Variants in MSH3 observed in about 807,000 individuals in gnomAD.
MSH3 encodes mutS homolog 3.
MSH3 carries 106 observed loss-of-function variants against 123.3 expected under a neutral mutation model. That is an observed-to-expected ratio of 0.86 (90% CI 0.73 to 1.01). The LOEUF (loss-of-function observed/expected upper bound fraction) is 1.01, where lower values mean the gene tolerates loss of function less well. Ranked by LOEUF, MSH3 falls within the 50% of genes least tolerant of loss-of-function variation. The probability of loss-of-function intolerance (pLI) is 0.00; values close to 1 mark genes in which losing one functional copy is unlikely to be tolerated. For synonymous variants in MSH3, 515 were observed against 481.4 expected (o/e 1.07, Z -0.91); for missense variants, 1,459 against 1,347.6 (o/e 1.08, Z -1.29).
intron 20 of MSH3, among the ~76,000 whole-genome samples, chr5:80,818,167 C>G (rs1431870604): frequency 6.6e-6 from 1 of 151,946 alleles, no homozygotes; most frequent in Non-Finnish European, 1.5e-5. Flanking sequence ...TGTAGTGAGA[C>G]AAGATCACGC....
rs777476997 is a variant in MSH3, at chr5:80,656,452, T to C, written c.279T>C (p.Asn93=). 6 of 1,613,884 alleles carry C rather than the reference T, an allele frequency of 3.7e-6. No individual in the cohort carries two copies. Among genetic ancestry groups the C allele is most frequent in the South Asian group, 1.1e-5 (1 of 91,086 alleles). ...GAAGAAAGAAGAGACCATTGGAAAA[T>C]GATGGGCCTGTTAAAAAGAAAGTAA... ...IDRRKKRPLE[N]DGPVKKKVKK... Residue 93 remains asparagine, a synonymous_variant, in exon 2 of 24, where the codon AAT becomes AAC. Transcript: ENST00000265081.
At chr5:80,712,269 T>G (rs997649803) in intron 8 of MSH3, among the ~76,000 whole-genome samples, 18 of 152,182 alleles carry the variant, frequency 1.2e-4, no homozygotes, top group African/African-American at 4.1e-4. Flanking sequence ...TCTTTCTCTT[T>G]TCTAATATGC....
chr5:80,778,785 T>A lies in MSH3; in HGVS notation c.2384T>A (p.Leu795His), dbSNP rs1210674099. The change falls in exon 17 of 24, where the codon CTC becomes CAC. Residue 795 changes from leucine to histidine, a missense_variant. By Grantham distance (99) the Leu-to-His change is moderately conservative. Transcript: ENST00000265081. ...IVENYRHLNQ[L>H]REQLVLDCSA... Reference sequence around the variant, plus strand: ...GAAAATTACAGACATCTGAATCAGCTCCGGGAGCAGCTAGTCCTTGACTGC... The same window carrying A: ...GAAAATTACAGACATCTGAATCAGCACCGGGAGCAGCTAGTCCTTGACTGC... 1.2e-5 allele frequency: 19 copies of A among 1,613,072 alleles called. No individual in the cohort carries two copies. Among genetic ancestry groups the A allele is most frequent in the Admixed American group, 1.7e-5 (1 of 59,984 alleles).
intron 12 of MSH3, among the ~76,000 whole-genome samples, chr5:80,745,816 C>T (rs1242206996): frequency 6.6e-6 from 1 of 152,232 alleles, no homozygotes; most frequent in East Asian, 1.9e-4. Flanking sequence ...CTCTTTTAAA[C>T]TGCACAGCAG....
Position 80,799,500 on chromosome 5 carries a change from C to CTTTTTTTTTT in MSH3, c.2655+6679_2655+6688dup, listed in dbSNP as rs746348952. Among the ~76,000 whole-genome samples, 3 of 32,324 alleles carry CTTTTTTTTTT rather than the reference C, an allele frequency of 9.3e-5. 1 individual carries two copies. Among genetic ancestry groups the CTTTTTTTTTT allele is most frequent in the African/African-American group, 2.6e-4 (2 of 7,824 alleles). 21.2% of individuals were successfully genotyped at this position (32,324 alleles called of 152,430 possible). A position where few individuals can be genotyped will look rare whatever the true frequency, so the allele number is the denominator to read the frequency against. ...TTTATACCTGTCAAGGAAGATAGCA[C>CTTTTTTTTTT]TTTTTTTTTTTTTTTTTTTTTTTTT... On this transcript the variant is annotated intron_variant, in intron 19 of 23. Coordinates refer to ENST00000265081, the MANE Select transcript of MSH3 (RefSeq NM_002439.5).
At chr5:80,667,000 TA>T (rs149236839) in intron 3 of MSH3, among the ~76,000 whole-genome samples, 4,193 of 152,292 alleles carry the variant, frequency 0.028, 77 homozygotes, top group Middle Eastern at 0.044. Flanking sequence ...CTTATTTTGT[TA>T]CCCAGGTATT....
intron 21 of MSH3, among the ~76,000 whole-genome samples, chr5:80,854,880 A>G (rs1745890340): frequency 6.6e-6 from 1 of 152,190 alleles, no homozygotes; most frequent in Non-Finnish European, 1.5e-5. Context: ...AAGAACAGGT[A>G]CCATCCATCT....
At chr5:80,690,788 G>T (rs188157429) in intron 8 of MSH3, among the ~76,000 whole-genome samples, 1 of 152,180 alleles carries the variant, frequency 6.6e-6, no homozygotes, top group East Asian at 1.9e-4. Context: ...CTTAACCTAA[G>T]ATCATGAAAT....
At chr5:80,775,574 A>G in intron 15 of MSH3, 120 bp from the exon 16 acceptor site, 1 of 657,164 alleles carries the variant, frequency 1.5e-6, no homozygotes, top group East Asian at 2.8e-5. Flanking sequence ...GAAAAACAAT[A>G]CTGGACTTAT....
Position 80,843,525 on chromosome 5 carries a change from G to T in MSH3, c.2814-10605G>T, listed in dbSNP as rs983622655. ...TCTGGTAGAATTCGGCTGTGAATCC[G>T]TCTCGTCCTGGACTTTTTTTGGTTG... On this transcript the variant is annotated intron_variant, in intron 20 of 23. Coordinates refer to ENST00000265081, the MANE Select transcript of MSH3 (RefSeq NM_002439.5). Among the ~76,000 whole-genome samples the T allele has an allele frequency of 2.7e-4, 41 of 152,168 alleles. 1 individual carries two copies. Among genetic ancestry groups the T allele is most frequent in the African/African-American group, 8.2e-4 (34 of 41,526 alleles).
chr5:80,786,030 A>G (rs1199454267), intron 17 of MSH3, among the ~76,000 whole-genome samples: 5 of 152,168 alleles, frequency 3.3e-5, no homozygotes, highest in South Asian at 4.2e-4. Context: ...ATTGGGAGAT[A>G]TACCTAACGC....
chr5:80,683,625 A>G (rs1208277946), intron 8 of MSH3, among the ~76,000 whole-genome samples: 2 of 152,136 alleles, frequency 1.3e-5, no homozygotes, highest in Admixed American at 6.5e-5. Flanking sequence ...TGGGTGGTCT[A>G]CATACATTTT....
intron 10 of MSH3, among the ~76,000 whole-genome samples, chr5:80,733,587 T>G (rs1415374313): frequency 3.8e-5 from 5 of 130,530 alleles, no homozygotes; most frequent in Non-Finnish European, 8.1e-5. Context: ...GTAAGGGACT[T>G]GTATCTAGAA....
intron 12 of MSH3, among the ~76,000 whole-genome samples, chr5:80,749,200 A>G (rs182404045): frequency 2.6e-5 from 4 of 152,300 alleles, no homozygotes; most frequent in Admixed American, 2.0e-4. Flanking sequence ...CTGAGGGGCA[A>G]GGAAGCCAGT....
chr5:80,838,455 G>A (rs540342182), intron 20 of MSH3, among the ~76,000 whole-genome samples: 14 of 152,182 alleles, frequency 9.2e-5, no homozygotes, highest in South Asian at 4.2e-4. Context: ...AGATAATGCC[G>A]GTAAAACACT....
At chr5:80,742,440 A>T (rs933913508) in intron 11 of MSH3, among the ~76,000 whole-genome samples, 2 of 152,234 alleles carry the variant, frequency 1.3e-5, no homozygotes, top group African/African-American at 4.8e-5. Context: ...TATAAAATTA[A>T]TGTTATCCTA....
intron 5 of MSH3, 138 bp from the exon 6 acceptor site, chr5:80,672,603 A>T: frequency 1.3e-6 from 1 of 786,346 alleles, no homozygotes; most frequent in Non-Finnish European, 2.2e-6. Flanking sequence ...ACCCTTGTCA[A>T]CTCCTTTAAA....
intron 20 of MSH3, among the ~76,000 whole-genome samples, chr5:80,850,013 A>C (rs1226228455): frequency 1.3e-5 from 2 of 152,094 alleles, no homozygotes; most frequent in African/African-American, 4.8e-5. Flanking sequence ...TCTGCTTAGA[A>C]ATTTCTTCTC....
chr5:80,869,651 A>G (rs555794569), intron 22 of MSH3, among the ~76,000 whole-genome samples: 1 of 152,038 alleles, frequency 6.6e-6, no homozygotes, highest in Non-Finnish European at 1.5e-5. Context: ...AACTGTTTGT[A>G]TGTTAACAAG....
Sources: allele counts gnomAD v4.1 joint callset (sites outside exome capture counted in the v4.1 genomes callset), GRCh38; gene constraint gnomAD v4.1.1; transcripts MANE v1.5; gene names NCBI Gene and HGNC (gene_info 2026-07-23, HGNC 2026-07-21).